ZNF350: variants seen among roughly 807,000 people sequenced by gnomAD.
The protein encoded by ZNF350 is KRAB zinc finger protein ZFQR.
ZNF350 carries 5 observed loss-of-function variants against 13.1 expected under a neutral mutation model. That is an observed-to-expected ratio of 0.38 (90% CI 0.20 to 0.80). The LOEUF is 0.80. Among genes scored for constraint, ZNF350 ranks in the 30% least tolerant of loss-of-function variants. The probability of loss-of-function intolerance (pLI) is 0.43; values close to 1 mark genes in which losing one functional copy is unlikely to be tolerated. For synonymous variants in ZNF350, 199 were observed against 224.2 expected, an observed-to-expected ratio of 0.89 and a Z score of 1.00; for missense variants, 534 against 644.2, an observed-to-expected ratio of 0.83 and a Z score of 1.85.
At chr19:51,981,518 C>T (rs1200116365) in intron 1 of ZNF350, among the ~76,000 whole-genome samples, 2 of 152,140 alleles carry the variant, frequency 1.3e-5, no homozygotes, top group Non-Finnish European at 2.9e-5. Flanking sequence ...TGGCCTTCAA[C>T]TCCGGATCTC....
In ZNF350 at chr19:51,965,783, G is replaced by T. The variant is rs2085550665; in HGVS notation, c.670C>A (p.His224Asn). The T allele has an allele frequency of 1.2e-6, 2 of 1,614,088 alleles. No homozygotes were observed. The highest frequency in any genetic ancestry group is 1.7e-6 in the Non-Finnish European group (2 of 1,180,014). The change falls in exon 5 of 5, where the codon CAC (histidine) becomes AAC (asparagine). Residue 224 changes from histidine (H) to asparagine (N), a missense_variant. Coordinates refer to ENST00000243644, the MANE Select transcript of ZNF350 (RefSeq NM_021632.4). ...AFIKKSWLTD[H>N]QVMHTGEKPH... is the part of the protein sequence containing the mutation. The stretch of plus-strand genomic sequence containing the variant: ...TTCTCTCCTGTATGCATTACCTGGT[G>T]ATCAGTTAGCCAAGACTTCTTGATG...
chr19:51,982,451 C>T (rs2086066670), intron 1 of ZNF350, among the ~76,000 whole-genome samples: 1 of 152,124 alleles, frequency 6.6e-6, no homozygotes, highest in African/African-American at 2.4e-5. Flanking sequence ...TGTGCAGTTT[C>T]CTCTTTTAGG....
In ZNF350 at chr19:51,976,785, G is replaced by A. The variant is rs552887700; in HGVS notation, c.-171-2254C>T. ...AAAAGGTTATTACACATAACCCATC[G>A]TTTCCACAGGCAGGCACTCTTGATG... On this transcript the variant is annotated intron_variant, in intron 1 of 4. Transcript: ENST00000243644. The surrounding 1 kb of genome is among the most constrained non-coding windows in gnomAD (Gnocchi z 4.5). 1.3e-5 allele frequency: 2 copies of A among 152,320 alleles called. No homozygotes were observed. Among genetic ancestry groups the A allele is most frequent in the Admixed American group, 6.5e-5 (1 of 15,306 alleles). 9.4% of individuals were successfully genotyped at this position (152,320 alleles called of 1,614,324 possible).
At chr19:51,978,703 C>G (rs546622587) in intron 1 of ZNF350, among the ~76,000 whole-genome samples, 19 of 152,010 alleles carry the variant, frequency 1.2e-4, no homozygotes, top group Admixed American at 9.8e-4. Flanking sequence ...ATGGGCACAT[C>G]AAACATTACA....
rs116826555 is a variant in ZNF350, at chr19:51,984,698, T to A, written c.-172+2072A>T. The stretch of plus-strand genomic sequence containing the variant: ...ACATAATGGAATGTGATAGAAAACC[T>A]ATTATACCTTTGGTCCAGCCTGCAA... On this transcript the variant is annotated intron_variant, in intron 1 of 4. Coordinates refer to ENST00000243644, the MANE Select transcript of ZNF350 (RefSeq NM_021632.4). Among the ~76,000 whole-genome samples the A allele has an allele frequency of 1.5e-3, 230 of 152,326 alleles. 2 individuals carry two copies. The highest frequency in any genetic ancestry group is 5.3e-3 in the African/African-American group (221 of 41,578).
Position 51,965,125 on chromosome 19 carries a change from C to G in ZNF350, c.1328G>C (p.Ser443Thr), listed in dbSNP as rs370849009. 13 of 1,614,080 alleles carry G rather than the reference C, an allele frequency of 8.1e-6. No individual in the cohort carries two copies. The African/African-American group carries it at 1.3e-4, about 17-fold the overall frequency. ...CATGACATCACTGGTGTGTAATGAG[C>G]TGTGCCTCTCTGCAGGAGGATTTTC... ...KVENPPAERH[S>T]SLHTSDVMQE... The change falls in exon 5 of 5, where the codon AGC becomes ACC. Residue 443 changes from serine to threonine, a missense_variant. Transcript: ENST00000243644.
Position 51,968,483 on chromosome 19 carries a change from T to C in ZNF350, c.238+95A>G. On this transcript the variant is annotated intron_variant, in intron 4 of 4. Transcript: ENST00000243644. The stretch of plus-strand genomic sequence containing the variant: ...GGGAGACAGATGAGTAGAGGAACTG[T>C]TTACATATCCTCAAACCCCCTTCAC... The C allele has an allele frequency of 5.6e-6, 6 of 1,066,356 alleles. No individual in the cohort carries two copies. The South Asian group carries it at 7.6e-5, about 13-fold the overall frequency. 66.1% of individuals were successfully genotyped at this position (1,066,356 alleles called of 1,614,324 possible).
rs753529979 is a variant in ZNF350, at chr19:51,965,803, T to C, written c.650A>G (p.Lys217Arg). 6.2e-7 allele frequency: 1 copy of C among 1,614,124 alleles called. No homozygotes were observed. The highest frequency in any genetic ancestry group is 8.5e-7 in the Non-Finnish European group (1 of 1,180,012). The change falls in exon 5 of 5, where the codon AAG (lysine) becomes AGG (arginine). Residue 217 changes from lysine (K) to arginine (R), a missense_variant. Physicochemically the swap from Lys to Arg is conservative, Grantham distance 26. Coordinates refer to ENST00000243644, the MANE Select transcript of ZNF350 (RefSeq NM_021632.4). ...VCSECGKAFI[K>R]KSWLTDHQVM... ...CTGGTGATCAGTTAGCCAAGACTTC[T>C]TGATGAAGGCTTTCCCACATTCACT...
rs763325930 is a variant in ZNF350 at position 51,968,675 on chromosome 19, T to TG, written c.143-3dup. ...CATCCGGTTTGCTGGCTTGATACCC[T>TG]GTTCATGGAAAATGATAGAGGACTT... On this transcript the variant is annotated splice_polypyrimidine_tract_variant and splice_region_variant and intron_variant, in intron 3 of 4. Coordinates refer to ENST00000243644, the MANE Select transcript of ZNF350 (RefSeq NM_021632.4). The TG allele has an allele frequency of 7.4e-5, 119 of 1,613,910 alleles. No individual in the cohort carries two copies. The highest frequency in any genetic ancestry group is 9.5e-5 in the Non-Finnish European group (112 of 1,179,782).
rs1369091388 is a variant in ZNF350, at chr19:51,974,625, C to T, written c.-171-94G>A. The T allele has an allele frequency of 1.5e-5, 6 of 409,874 alleles. No individual in the cohort carries two copies. The East Asian group carries it at 2.2e-4, about 15-fold the overall frequency. The allele number at this position is 409,874 out of a possible 1,614,324, so 25.4% of individuals were successfully genotyped here. ...CTAGGCACTCATCTTAAAGCAATGC[C>T]CCCAATATAGTTAACTATATACCTT... On this transcript the variant is annotated intron_variant, in intron 1 of 4. Transcript: ENST00000243644.
chr19:51,982,448 T>C (rs1191941897), intron 1 of ZNF350, among the ~76,000 whole-genome samples: 4 of 152,240 alleles, frequency 2.6e-5, no homozygotes, highest in Non-Finnish European at 5.9e-5. Flanking sequence ...TTTTGTGCAG[T>C]TTCCTCTTTT....
chr19:51,982,634 C>G (rs1193674844), intron 1 of ZNF350, among the ~76,000 whole-genome samples: 1 of 152,076 alleles, frequency 6.6e-6, no homozygotes, highest in Non-Finnish European at 1.5e-5. Context: ...AATGAAATCA[C>G]AGTCACAATC....
chr19:51,981,262 C>CCCT (rs1555766686), intron 1 of ZNF350: 1 of 148,748 alleles, frequency 6.7e-6, no homozygotes, highest in East Asian at 2.0e-4. Flanking sequence ...CTTCCACCCC[C>CCCT]CCACCCTCCT....
chr19:51,966,281 GTTT>G, intron 4 of ZNF350, 67 bp from the exon 5 acceptor site: 1 of 1,408,976 alleles, frequency 7.1e-7, no homozygotes. Context: ...TGGTTTTTTT[GTTT>G]TTTTTGTTTT....
chr19:51,983,730 C>G (rs2086108605), intron 1 of ZNF350, among the ~76,000 whole-genome samples: 1 of 152,140 alleles, frequency 6.6e-6, no homozygotes, highest in South Asian at 2.1e-4. Context: ...ATAGTCCTGC[C>G]ACACCCCCCT....
intron 1 of ZNF350, among the ~76,000 whole-genome samples, chr19:51,980,161 T>G (rs1206121145): frequency 1.3e-5 from 2 of 152,228 alleles, no homozygotes; most frequent in Non-Finnish European, 2.9e-5. Context: ...CAATACCCAA[T>G]TGACCTGTAA....
At chr19:51,971,673 A>G (rs1568481136) in intron 2 of ZNF350, among the ~76,000 whole-genome samples, 1 of 152,052 alleles carries the variant, frequency 6.6e-6, no homozygotes, top group Non-Finnish European at 1.5e-5. Context: ...CACCCCCCCA[A>G]CTATCTCTTT....
chr19:51,975,449 A>AAAAC (rs2085866069), intron 1 of ZNF350, among the ~76,000 whole-genome samples: 1 of 151,520 alleles, frequency 6.6e-6, no homozygotes, highest in Admixed American at 6.6e-5. Context: ...AAAAAAAAAA[A>AAAAC]AAACTAGTAA....
In ZNF350 at chr19:51,974,528, G is replaced by A. The variant is rs985052416; in HGVS notation, c.-168C>T. ...TATGTTTTTTGCTCCTGAGGAGTCA[G>A]AACCTGTGGGTTGAAGAGCAAATTC... On this transcript the variant is annotated 5_prime_UTR_variant, in exon 2 of 5. Coordinates refer to ENST00000243644, the MANE Select transcript of ZNF350 (RefSeq NM_021632.4). 4.1e-6 allele frequency: 3 copies of A among 736,836 alleles called. No individual in the cohort carries two copies. Among genetic ancestry groups the A allele is most frequent in the Non-Finnish European group, 6.8e-6 (3 of 443,118 alleles). 45.6% of individuals were successfully genotyped at this position (736,836 alleles called of 1,614,324 possible). A position where few individuals can be genotyped will look rare whatever the true frequency, so the allele number is the denominator to read the frequency against.
Sources: allele counts gnomAD v4.1 joint callset (sites outside exome capture counted in the v4.1 genomes callset), GRCh38; gene constraint gnomAD v4.1.1; non-coding constraint Gnocchi (gnomAD v3.1); transcripts MANE v1.5; gene names NCBI Gene and HGNC (gene_info 2026-07-23, HGNC 2026-07-21).